NRAP: variants seen among roughly 807,000 people sequenced by gnomAD.
NRAP encodes the protein nebulin-related-anchoring protein.
In NRAP, 189 loss-of-function variants were observed where a neutral mutation model predicts 225.9. That is an observed-to-expected ratio of 0.84 (90% CI 0.74 to 0.94). NRAP has a LOEUF of 0.94. NRAP is among the 40% of genes least tolerant of loss of function. The pLI is 0.00. For missense variants in NRAP, 2,176 were observed against 2,168.7 expected (o/e 1.00, Z -0.07); for synonymous variants, 769 against 790.7 (o/e 0.97, Z 0.46).
chr10:113,653,072 T>C, intron 5 of NRAP, 33 bp from the exon 6 acceptor site: 3 of 1,197,914 alleles, frequency 2.5e-6, no homozygotes, highest in Admixed American at 2.3e-5. Context: ...GCATGAGAAC[T>C]GAGATGATAT....
intron 4 of NRAP, among the ~76,000 whole-genome samples, chr10:113,655,580 C>T (rs1030915312): frequency 1.3e-5 from 2 of 151,890 alleles, no homozygotes; most frequent in African/African-American, 4.8e-5. Flanking sequence ...CTCAGCCTCC[C>T]GAGAAGCTGG....
intron 38 of NRAP, among the ~76,000 whole-genome samples, chr10:113,593,305 G>T (rs1007999427): frequency 6.6e-6 from 1 of 152,158 alleles, no homozygotes; most frequent in East Asian, 1.9e-4. Flanking sequence ...TGTTCTACGG[G>T]GGATTGGGGG....
In NRAP at chr10:113,623,682, G is replaced by C. The variant is rs377307592; in HGVS notation, c.2350-46C>G. 3.0e-5 allele frequency: 37 copies of C among 1,227,644 alleles called. No individual in the cohort carries two copies. The African/African-American group carries it at 3.9e-4, about 13-fold the overall frequency. 76.0% of individuals were successfully genotyped at this position (1,227,644 alleles called of 1,614,324 possible). ...AGGTGAGTGGGTTTTCATGTGAGAG[G>C]GTTCTCACGTGAGAGCATTTCTCTA... On this transcript the variant is annotated intron_variant, in intron 22 of 41. Transcript: ENST00000359988.
rs142448087 is a variant in NRAP at position 113,626,098 on chromosome 10, G to A, written c.2193C>T (p.Thr731=). 75 of 1,612,074 alleles carry A rather than the reference G, an allele frequency of 4.7e-5. No homozygotes were observed. Among genetic ancestry groups the A allele is most frequent in the Middle Eastern group, 1.7e-4 (1 of 6,058 alleles). The part of the protein sequence containing the change: ...RVDELKFTSV[T]DSSQMEHAKK... ...TGGCGTGCTCCATCTGGGAGCTGTC[G>A]GTCACGCTGGTGAACTTCAGCTCAT... is the stretch of plus-strand genomic sequence containing the variant. Residue 731 remains threonine, a synonymous_variant, in exon 21 of 42, where the codon ACC becomes ACT. Coordinates refer to ENST00000359988, the MANE Select transcript of NRAP (RefSeq NM_198060.4).
chr10:113,596,606 CT>C (rs1402853709), intron 37 of NRAP, among the ~76,000 whole-genome samples: 2 of 151,990 alleles, frequency 1.3e-5, no homozygotes, highest in Non-Finnish European at 2.9e-5. Context: ...TTTTTCTTAA[CT>C]GGGTTATATT....
At chr10:113,634,654 G>A (rs1338922593) in intron 14 of NRAP, among the ~76,000 whole-genome samples, 1 of 152,136 alleles carries the variant, frequency 6.6e-6, no homozygotes, top group Non-Finnish European at 1.5e-5. Context: ...ACGGCATTTG[G>A]GCACATACAC....
chr10:113,634,448 T>C (rs1201570642), intron 14 of NRAP, among the ~76,000 whole-genome samples: 2 of 152,074 alleles, frequency 1.3e-5, no homozygotes, highest in Non-Finnish European at 2.9e-5. Context: ...CCAGTGAACA[T>C]ACAGAAAGAT....
intron 11 of NRAP, 107 bp downstream of exon 11, chr10:113,645,718 G>C (rs1849463269): frequency 4.8e-6 from 3 of 621,540 alleles, no homozygotes; most frequent in Non-Finnish European, 8.3e-6. Flanking sequence ...CACCTGGCCG[G>C]TGTCACACTT....
chr10:113,625,482 T>C (rs927134552), intron 21 of NRAP, among the ~76,000 whole-genome samples: 3 of 152,242 alleles, frequency 2.0e-5, no homozygotes, highest in Non-Finnish European at 4.4e-5. Context: ...GGCTTTCTGC[T>C]GACTCTGAGT....
intron 14 of NRAP, among the ~76,000 whole-genome samples, chr10:113,638,075 G>T (rs995854532): frequency 1.3e-5 from 2 of 152,178 alleles, no homozygotes; most frequent in African/African-American, 4.8e-5. Context: ...AAAGTACAGT[G>T]ACTTCCTAAT....
At position 113,590,881 on chromosome 10, in the gene NRAP, G is replaced by A. The variant is rs774691431; in HGVS notation, c.4653C>T (p.Tyr1551=). Residue 1551 remains tyrosine, a synonymous_variant, in exon 40 of 42, where the codon TAC becomes TAT. Transcript: ENST00000359988. ...CTCGGTCCCGCAGGAAAGCCTCTTT[G>A]TACCGGAACTGCAAGTCAGAGGAGC... ...ASREIASDFR[Y]KEAFLRDRGL... is the part of the protein sequence containing the mutation. The A allele has an allele frequency of 1.2e-6, 2 of 1,613,424 alleles. No individual in the cohort carries two copies. Among genetic ancestry groups the A allele is most frequent in the Non-Finnish European group, 1.7e-6 (2 of 1,179,400 alleles).
At position 113,610,446 on chromosome 10, in the gene NRAP, C is replaced by T. The variant is rs764117478; in HGVS notation, c.3603+13G>A. 7 of 1,231,696 alleles carry T rather than the reference C, an allele frequency of 5.7e-6. No individual in the cohort carries two copies. The highest frequency in any genetic ancestry group is 8.4e-6 in the Non-Finnish European group (7 of 829,592). The allele number at this position is 1,231,696 out of a possible 1,614,324, so 76.3% of individuals were successfully genotyped here. On this transcript the variant is annotated intron_variant, in intron 31 of 41. Coordinates refer to ENST00000359988, the MANE Select transcript of NRAP (RefSeq NM_198060.4). The stretch of plus-strand genomic sequence containing the variant: ...AAATGTCCTGGACACTCAACACCAG[C>T]ATCTGTAGTTACCTCACTGATGAGT...
intron 25 of NRAP, among the ~76,000 whole-genome samples, chr10:113,619,183 T>C (rs1197977499): frequency 6.6e-6 from 1 of 152,204 alleles, no homozygotes; most frequent in African/African-American, 2.4e-5. Flanking sequence ...GAAGATCCCT[T>C]GGCTGCCAGA....
chr10:113,662,443 C>T (rs1234052780), intron 3 of NRAP, among the ~76,000 whole-genome samples: 1 of 152,042 alleles, frequency 6.6e-6, no homozygotes, highest in Non-Finnish European at 1.5e-5. Context: ...CATGTTCCTT[C>T]TTTTATTTAT....
chr10:113,634,467 A>G (rs1362330969), intron 14 of NRAP, among the ~76,000 whole-genome samples: 1 of 152,230 alleles, frequency 6.6e-6, no homozygotes, highest in East Asian at 1.9e-4. Context: ...ATGCTCAGCC[A>G]CACTATTAAT....
intron 20 of NRAP, among the ~76,000 whole-genome samples, chr10:113,628,649 T>C (rs772728712): frequency 7.2e-5 from 11 of 152,224 alleles, no homozygotes; most frequent in Non-Finnish European, 1.6e-4. Context: ...AGGTGCTGTA[T>C]ATTACACCTT....
intron 35 of NRAP, among the ~76,000 whole-genome samples, chr10:113,600,784 C>T (rs141242070): frequency 2.1e-4 from 32 of 152,282 alleles, no homozygotes; most frequent in East Asian, 7.7e-4. Flanking sequence ...GCCTTATCGC[C>T]GCATCCTGTA....
At position 113,641,386 on chromosome 10, in the gene NRAP, T is replaced by TTTCATAGCATGCAGAGTGCGTCTG. The variant is rs1849193389; in HGVS notation, c.1278_1301dup (p.Met433_Lys434insAsnArgArgThrLeuHisAlaMet). On this transcript the variant is annotated inframe_insertion, in exon 13 of 42. Coordinates refer to ENST00000359988, the MANE Select transcript of NRAP (RefSeq NM_198060.4). ...TCACGTTGCTTGCCAGGCTGCCAAC[T>TTTCATAGCATGCAGAGTGCGTCTG]TTCATAGCATGCAGAGTGCGTCTGT... is the stretch of plus-strand genomic sequence containing the variant. The TTTCATAGCATGCAGAGTGCGTCTG allele has an allele frequency of 6.2e-7, 1 of 1,613,392 alleles. No individual in the cohort carries two copies. The highest frequency in any genetic ancestry group is 8.5e-7 in the Non-Finnish European group (1 of 1,179,578).
rs141990446 is a variant in NRAP, at chr10:113,629,749, G to A, written c.1879C>T (p.Arg627Trp). The A allele has an allele frequency of 6.4e-5, 103 of 1,613,772 alleles. 1 individual carries two copies. Among genetic ancestry groups the A allele is most frequent in the South Asian group, 4.3e-4 (39 of 91,074 alleles). ...ACCATATCCATGGGCAGGTGAAACC[G>A]GGTCTTACTCTCTTCAAAGCCTTTC... ...YKKGFEESKT[R>W]FHLPMDMVNI... Residue 627 changes from arginine to tryptophan, a missense_variant, in exon 19 of 42, where the codon CGG becomes TGG. By Grantham distance (101) the Arg-to-Trp change is moderately radical. Transcript: ENST00000359988.
Sources: allele counts gnomAD v4.1 joint callset (sites outside exome capture counted in the v4.1 genomes callset), GRCh38; gene constraint gnomAD v4.1.1; transcripts MANE v1.5; gene names NCBI Gene and HGNC (gene_info 2026-07-23, HGNC 2026-07-21).